PDE10A: variants seen among roughly 807,000 people sequenced by gnomAD.
PDE10A encodes the protein phosphodiesterase 10A.
A neutral mutation model predicts 97.7 loss-of-function variants in PDE10A; 39 were observed. That is an observed-to-expected ratio of 0.40 (90% CI 0.31 to 0.52). The LOEUF is 0.52. Among genes scored for constraint, PDE10A ranks in the 20% least tolerant of loss-of-function variants. PDE10A has a pLI of 0.56. For missense variants in PDE10A, 731 were observed against 1,047.8 expected, an observed-to-expected ratio of 0.70 and a Z score of 4.17; for synonymous variants, 371 against 376.8, an observed-to-expected ratio of 0.98 and a Z score of 0.18.
intron 1 of PDE10A, among the ~76,000 whole-genome samples, chr6:165,635,380 G>A (rs9459465): frequency 0.18 from 27,504 of 152,132 alleles, 2,806 homozygotes; most frequent in Non-Finnish European, 0.23. Context: ...TTTTCATTTT[G>A]TAAGACTGAA....
chr6:165,758,557 GGAAGAGGAAGAA>G (rs1793176929), intron 1 of PDE10A, among the ~76,000 whole-genome samples: 1 of 143,070 alleles, frequency 7.0e-6, no homozygotes, highest in Non-Finnish European at 1.5e-5. Flanking sequence ...AAGAAGAAGA[GGAAGAGGAAGAA>G]GAAGAGGAAG....
chr6:165,480,774 T>C (rs996202456), intron 3 of PDE10A, among the ~76,000 whole-genome samples: 1 of 152,218 alleles, frequency 6.6e-6, no homozygotes, highest in Non-Finnish European at 1.5e-5. Flanking sequence ...GAGGAATTTC[T>C]AAATCTGAAT....
At chr6:165,358,394 C>A (rs1408965778) in intron 18 of PDE10A, among the ~76,000 whole-genome samples, 1 of 151,876 alleles carries the variant, frequency 6.6e-6, no homozygotes, top group Non-Finnish European at 1.5e-5. Flanking sequence ...CATGTACATT[C>A]TGCATTTATT....
intron 4 of PDE10A, among the ~76,000 whole-genome samples, chr6:165,449,618 G>A (rs1200107834): frequency 3.9e-5 from 6 of 152,052 alleles, no homozygotes; most frequent in African/African-American, 7.2e-5. Flanking sequence ...TCCTGAGACC[G>A]TAATAAAAAT....
rs59107159 is a variant in PDE10A at position 165,618,978 on chromosome 6, T to A, written c.865+42969A>T. On this transcript the variant is annotated intron_variant, in intron 1 of 21. Coordinates refer to ENST00000539869, the MANE Select transcript of PDE10A (RefSeq NM_001385079.1). ...TGCAGTGTAGACTAGTGTAGTGTAG[T>A]CTAGTGTAGTGTAGTCTAGTGTAGT... 5.0e-3 allele frequency among the ~76,000 whole-genome samples: 484 copies of A among 97,052 alleles called. 2 individuals are homozygous for A. The highest frequency in any genetic ancestry group is 0.016 in the Middle Eastern group (3 of 190). 63.7% of individuals were successfully genotyped at this position (97,052 alleles called of 152,430 possible). A position where few individuals can be genotyped will look rare whatever the true frequency, so the allele number is the denominator to read the frequency against.
intron 1 of PDE10A, among the ~76,000 whole-genome samples, chr6:165,768,352 C>A (rs1200785663): frequency 3.9e-5 from 6 of 152,124 alleles, no homozygotes; most frequent in Admixed American, 2.6e-4. Flanking sequence ...AACCACTGGG[C>A]AATCTGAGGT....
At chr6:165,501,718 A>G (rs1780901261) in intron 2 of PDE10A, among the ~76,000 whole-genome samples, 1 of 152,244 alleles carries the variant, frequency 6.6e-6, no homozygotes, top group Non-Finnish European at 1.5e-5. Flanking sequence ...CAGAATTGTT[A>G]CCAATTTTCC....
chr6:165,702,899 C>A (rs567803366), intron 1 of PDE10A, among the ~76,000 whole-genome samples: 1 of 152,114 alleles, frequency 6.6e-6, no homozygotes, highest in African/African-American at 2.4e-5. Context: ...CAGGACCTGC[C>A]GTGGGAAAGG....
In PDE10A at chr6:165,621,955, G is replaced by A. The variant is rs550521641; in HGVS notation, c.865+39992C>T. ...CACCAGTCTAGATGGTGCTGTAAAG[G>A]TATTTTTAAAATGTGATTAACATTT... On this transcript the variant is annotated intron_variant, in intron 1 of 21. Coordinates refer to ENST00000539869, the MANE Select transcript of PDE10A (RefSeq NM_001385079.1). Among the ~76,000 whole-genome samples the A allele has an allele frequency of 2.6e-5, 4 of 152,250 alleles. No individual in the cohort carries two copies. The South Asian group carries it at 8.3e-4, about 32-fold the overall frequency.
rs1583141736 is a variant in PDE10A at position 165,819,904 on chromosome 6, A to C, written c.-615+167625T>G. On this transcript the variant is annotated intron_variant, in intron 1 of 19. Coordinates refer to the PDE10A transcript ENST00000366882. This position sits in a 1 kb window ranked among gnomAD's most constrained non-coding sequence, Gnocchi z 4.2. ...TCAGCTCTGTTTGTATGTAATAATC[A>C]GTGGTTAATATGGAATTCAGTAACA... is the stretch of plus-strand genomic sequence containing the variant. Among the ~76,000 whole-genome samples the C allele has an allele frequency of 6.6e-6, 1 of 152,252 alleles. No homozygotes were observed. The highest frequency in any genetic ancestry group is 6.5e-5 in the Admixed American group (1 of 15,290).
chr6:165,843,014 G>A (rs1414000944), intron 1 of PDE10A, among the ~76,000 whole-genome samples: 1 of 152,220 alleles, frequency 6.6e-6, no homozygotes, highest in Non-Finnish European at 1.5e-5. Flanking sequence ...CACAAATGTG[G>A]GTTGTTCTTA....
chr6:165,724,266 G>A lies in PDE10A; in HGVS notation c.-614-180698C>T, dbSNP rs149420633. Among the ~76,000 whole-genome samples, 224 of 152,230 alleles carry A rather than the reference G, an allele frequency of 1.5e-3. 1 individual carries two copies. The highest frequency in any genetic ancestry group is 5.2e-3 in the African/African-American group (215 of 41,530). On this transcript the variant is annotated intron_variant, in intron 1 of 19. Transcript: ENST00000366882. ...GAAGTCAACTAGTCTAACCCCTAGG[G>A]GCTCAGATTTTTTACCTATAACATG...
chr6:165,621,533 G>A (rs964758302), intron 1 of PDE10A, among the ~76,000 whole-genome samples: 2 of 152,102 alleles, frequency 1.3e-5, no homozygotes, highest in Non-Finnish European at 2.9e-5. Context: ...TGAGGCAGGT[G>A]GATCACAAGG....
chr6:165,617,763 A>G (rs1380586090), intron 1 of PDE10A, among the ~76,000 whole-genome samples: 1 of 152,160 alleles, frequency 6.6e-6, no homozygotes, highest in Admixed American at 6.5e-5. Flanking sequence ...GATAAAGGTT[A>G]TCACACACAA....
At position 165,975,117 on chromosome 6, in the gene PDE10A, T is replaced by C. The variant is rs570386169; in HGVS notation, c.-615+12412A>G. Among the ~76,000 whole-genome samples, 3 of 152,342 alleles carry C rather than the reference T, an allele frequency of 2.0e-5. 1 individual carries two copies. Among genetic ancestry groups the C allele is most frequent in the African/African-American group, 7.2e-5 (3 of 41,576 alleles). On this transcript the variant is annotated intron_variant, in intron 1 of 19. Coordinates refer to the PDE10A transcript ENST00000366882. ...CTGCTTTCTGTACACTCCTCTGCTG[T>C]GGCCTCTCCCCAAGACTTGCTGATA...
intron 1 of PDE10A, among the ~76,000 whole-genome samples, chr6:165,774,052 G>A (rs1032886359): frequency 2.6e-5 from 4 of 151,780 alleles, no homozygotes; most frequent in South Asian, 4.1e-4. Flanking sequence ...ATTCACTTAC[G>A]TGTGACACTA....
intron 1 of PDE10A, among the ~76,000 whole-genome samples, chr6:165,544,613 A>G (rs1034098285): frequency 4.0e-5 from 6 of 150,432 alleles, no homozygotes; most frequent in African/African-American, 1.5e-4. Flanking sequence ...GCACTCTGAG[A>G]AAAAAAAGAA....
At chr6:165,485,475 A>AAAAT (rs1779857783) in intron 2 of PDE10A, among the ~76,000 whole-genome samples, 5 of 151,736 alleles carry the variant, frequency 3.3e-5, no homozygotes, top group Non-Finnish European at 7.4e-5. Context: ...CTCAAAAAAA[A>AAAAT]AAAAAAAAAA....
chr6:165,782,493 T>C (rs1289717988), intron 1 of PDE10A, among the ~76,000 whole-genome samples: 1 of 152,206 alleles, frequency 6.6e-6, no homozygotes, highest in Non-Finnish European at 1.5e-5. Context: ...GCAGTTCTGA[T>C]GTGTATGAGG....
Sources: allele counts gnomAD v4.1 joint callset (sites outside exome capture counted in the v4.1 genomes callset), GRCh38; gene constraint gnomAD v4.1.1; non-coding constraint Gnocchi (gnomAD v3.1); transcripts MANE v1.5; gene names NCBI Gene and HGNC (gene_info 2026-07-23, HGNC 2026-07-21).